The following RAPGEF6 variants were observed in gnomAD, a reference collection of about 807,000 sequenced individuals.
The protein encoded by RAPGEF6 is Rap guanine nucleotide exchange factor 6.
A neutral mutation model predicts 171.4 loss-of-function variants in RAPGEF6; 56 were observed. The ratio of observed to expected loss-of-function variants is 0.33; its 90% CI spans 0.26 to 0.41. The LOEUF (loss-of-function observed/expected upper bound fraction) is 0.41. RAPGEF6 is among the 10% of genes least tolerant of loss of function. The pLI, the probability that RAPGEF6 is intolerant of heterozygous loss-of-function variation, is 1.00. For missense variants in RAPGEF6, 1,674 were observed against 1,921.4 expected (o/e 0.87, Z 2.41); for synonymous variants, 692 against 650.1 (o/e 1.06, Z -0.98).
chr5:131,506,820 C>T (rs547294991), intron 9 of RAPGEF6, among the ~76,000 whole-genome samples: 1 of 151,752 alleles, frequency 6.6e-6, no homozygotes, highest in Non-Finnish European at 1.5e-5. Flanking sequence ...ACTTAAAATC[C>T]CACTCCATTC....
At chr5:131,546,830 C>G (rs947129812) in intron 6 of RAPGEF6, among the ~76,000 whole-genome samples, 1 of 152,074 alleles carries the variant, frequency 6.6e-6, no homozygotes, top group Non-Finnish European at 1.5e-5. Flanking sequence ...AAAAACCTTA[C>G]AGATTTATCT....
intron 12 of RAPGEF6, among the ~76,000 whole-genome samples, chr5:131,497,984 T>C (rs921367049): frequency 2.0e-5 from 3 of 152,202 alleles, no homozygotes; most frequent in African/African-American, 7.2e-5. Context: ...TAAGGTTTGA[T>C]AAATTGTTTT....
intron 1 of RAPGEF6, among the ~76,000 whole-genome samples, chr5:131,608,465 C>T (rs566077935): frequency 6.6e-6 from 1 of 152,252 alleles, no homozygotes. Flanking sequence ...CATTCAGGAA[C>T]AGCCTTAAAA....
chr5:131,438,824 T>C (rs1349146282), intron 24 of RAPGEF6, among the ~76,000 whole-genome samples: 1 of 152,188 alleles, frequency 6.6e-6, no homozygotes, highest in African/African-American at 2.4e-5. Flanking sequence ...TTATTTTAAA[T>C]CCTAATTTTA....
intron 5 of RAPGEF6, 83 bp downstream of exon 5, chr5:131,561,895 T>G: frequency 2.0e-6 from 2 of 1,012,042 alleles, no homozygotes; most frequent in South Asian, 1.4e-5. Context: ...TAATAAAACC[T>G]CCTTAAGTGT....
In RAPGEF6 at chr5:131,634,737, C is replaced by T. The variant is rs566583579; in HGVS notation, c.69+225G>A. Among the ~76,000 whole-genome samples, 45 of 152,280 alleles carry T rather than the reference C, an allele frequency of 3.0e-4. 1 individual carries two copies. In the South Asian group the frequency reaches 9.3e-3, roughly 32 times the overall value. ...TGCTTTCTTAACGACACTCAGAAGC[C>T]CCCGGCAAGGACGGGTACGCGGGTT... On this transcript the variant is annotated intron_variant, in intron 1 of 27. Transcript: ENST00000509018.
intron 5 of RAPGEF6, among the ~76,000 whole-genome samples, chr5:131,549,084 T>A (rs975377649): frequency 1.1e-4 from 16 of 151,138 alleles, no homozygotes; most frequent in South Asian, 2.1e-4. Context: ...AAAAAAAAAT[T>A]TTTTTTAAGG....
At chr5:131,515,838 G>A (rs947871095) in intron 7 of RAPGEF6, among the ~76,000 whole-genome samples, 8 of 152,054 alleles carry the variant, frequency 5.3e-5, no homozygotes, top group African/African-American at 1.9e-4. Context: ...ATGTGTAAGT[G>A]GGGGAACAGT....
intron 6 of RAPGEF6, among the ~76,000 whole-genome samples, chr5:131,536,741 G>A (rs1242953263): frequency 6.6e-6 from 1 of 152,110 alleles, no homozygotes; most frequent in Non-Finnish European, 1.5e-5. Flanking sequence ...TCTACACTGC[G>A]TATCAAGCAT....
intron 7 of RAPGEF6, among the ~76,000 whole-genome samples, chr5:131,517,359 T>C (rs1379317960): frequency 6.6e-6 from 1 of 151,782 alleles, no homozygotes; most frequent in African/African-American, 2.4e-5. Flanking sequence ...AATTAATCTA[T>C]ATATAGTCTT....
intron 2 of RAPGEF6, among the ~76,000 whole-genome samples, chr5:131,603,561 T>C (rs1426670088): frequency 6.6e-6 from 1 of 152,032 alleles, no homozygotes; most frequent in Non-Finnish European, 1.5e-5. Context: ...TTTATGTACA[T>C]TACAAAATCT....
chr5:131,497,441 A>C (rs1756710596), intron 12 of RAPGEF6, among the ~76,000 whole-genome samples: 1 of 152,188 alleles, frequency 6.6e-6, no homozygotes, highest in African/African-American at 2.4e-5. Flanking sequence ...ACCAACGCCA[A>C]ATCCAAGGCC....
At chr5:131,532,017 G>C (rs1316676202) in intron 6 of RAPGEF6, 1 of 340,308 alleles carries the variant, frequency 2.9e-6, no homozygotes, top group East Asian at 8.6e-5. Flanking sequence ...GTTTAGAAAA[G>C]AGCGCAATAA....
At chr5:131,430,429 T>G (rs761822444) in intron 26 of RAPGEF6, among the ~76,000 whole-genome samples, 1 of 152,196 alleles carries the variant, frequency 6.6e-6, no homozygotes, top group Admixed American at 6.5e-5. Context: ...ACTTCCTGAT[T>G]GCATTTTCTC....
chr5:131,440,737 C>CAAAAAAA (rs1168441695), intron 23 of RAPGEF6, among the ~76,000 whole-genome samples: 93 of 66,756 alleles, frequency 1.4e-3, no homozygotes, highest in African/African-American at 2.2e-3. Context: ...GACTCTGTCT[C>CAAAAAAA]AAAAAAAAAA....
chr5:131,451,767 T>G (rs1753091569), intron 21 of RAPGEF6, among the ~76,000 whole-genome samples: 1 of 152,226 alleles, frequency 6.6e-6, no homozygotes. Flanking sequence ...CCAAGTATTT[T>G]TGTTTCCTTA....
At chr5:131,500,065 A>G (rs1292709904) in intron 11 of RAPGEF6, among the ~76,000 whole-genome samples, 3 of 151,918 alleles carry the variant, frequency 2.0e-5, no homozygotes, top group Non-Finnish European at 4.4e-5. Flanking sequence ...TGCCCAGCTA[A>G]TTTTTGTATT....
intron 1 of RAPGEF6, among the ~76,000 whole-genome samples, chr5:131,614,757 C>A (rs1161971759): frequency 6.6e-6 from 1 of 152,230 alleles, no homozygotes; most frequent in African/African-American, 2.4e-5. Flanking sequence ...CTGCTAGTAG[C>A]AGTAGTATCT....
intron 22 of RAPGEF6, among the ~76,000 whole-genome samples, chr5:131,445,694 T>A (rs566801110): frequency 6.6e-6 from 1 of 152,226 alleles, no homozygotes; most frequent in East Asian, 1.9e-4. Context: ...GTGACCTGCC[T>A]GCCTCAGCCT....
Sources: gnomAD v4.1 joint callset for allele counts (sites outside exome capture counted in the v4.1 genomes callset) on GRCh38, gnomAD v4.1.1 for gene constraint, MANE v1.5 for transcripts, NCBI Gene and HGNC (gene_info 2026-07-23, HGNC 2026-07-21) for gene names.